GRID2: variants seen among roughly 807,000 people sequenced by gnomAD.
The protein encoded by GRID2 is glutamate ionotropic receptor delta type subunit 2.
In GRID2, 33 loss-of-function variants were observed where a neutral mutation model predicts 114.8. The ratio of observed to expected loss-of-function variants is 0.29; its 90% CI spans 0.22 to 0.38. The LOEUF is 0.38. Among genes scored for constraint, GRID2 ranks in the 10% least tolerant of loss-of-function variants. The probability of loss-of-function intolerance (pLI) is 1.00; values close to 1 mark genes in which losing one functional copy is unlikely to be tolerated. For missense variants in GRID2, 1,184 were observed against 1,257.7 expected, an observed-to-expected ratio of 0.94 and a Z score of 0.89; for synonymous variants, 505 against 449.9, an observed-to-expected ratio of 1.12 and a Z score of -1.55.
rs184097837 is a variant in GRID2 at position 92,973,977 on chromosome 4, A to C, written c.245-111018A>C. 1.8e-4 allele frequency among the ~76,000 whole-genome samples: 27 copies of C among 152,282 alleles called. No individual in the cohort carries two copies. In the East Asian group the frequency reaches 5.0e-3, roughly 28 times the overall value. On this transcript the variant is annotated intron_variant, in intron 2 of 15. Coordinates refer to ENST00000282020, the MANE Select transcript of GRID2 (RefSeq NM_001510.4). ...GCAAAATCCAAAATCTACAAAACTTAAACAAATTTACCAGAAAGATACAAA... is the reference window on the plus strand; with the variant it reads ...GCAAAATCCAAAATCTACAAAACTTCAACAAATTTACCAGAAAGATACAAA...
chr4:92,769,435 G>A (rs1738431842), intron 2 of GRID2, among the ~76,000 whole-genome samples: 1 of 152,180 alleles, frequency 6.6e-6, no homozygotes. Context: ...GGGGTCTGGA[G>A]TATGGTAGCC....
intron 8 of GRID2, among the ~76,000 whole-genome samples, chr4:93,308,011 A>G (rs1442866798): frequency 1.3e-5 from 2 of 152,156 alleles, no homozygotes; most frequent in Admixed American, 6.6e-5. Flanking sequence ...AGTAGATATC[A>G]ATTCAACATA....
chr4:92,530,449 A>T (rs572482745), intron 1 of GRID2, among the ~76,000 whole-genome samples: 4 of 150,440 alleles, frequency 2.7e-5, no homozygotes, highest in Non-Finnish European at 5.9e-5. Context: ...ACTTATGGAA[A>T]ATAGTGAGAA....
intron 2 of GRID2, among the ~76,000 whole-genome samples, chr4:92,682,877 A>G (rs1733715790): frequency 6.6e-6 from 1 of 152,176 alleles, no homozygotes; most frequent in Non-Finnish European, 1.5e-5. Flanking sequence ...AAGTTAATAA[A>G]TGATCTCATT....
chr4:92,768,812 G>A lies in GRID2; in HGVS notation c.244+178526G>A, dbSNP rs764673767. ...CACAAGAAGAGTACAGGAAAGACCC[G>A]CCCCATAATTCAATCACCTCCCACT... On this transcript the variant is annotated intron_variant, in intron 2 of 15. Coordinates refer to ENST00000282020, the MANE Select transcript of GRID2 (RefSeq NM_001510.4). Among the ~76,000 whole-genome samples the A allele has an allele frequency of 3.9e-4, 59 of 151,998 alleles. 1 individual carries two copies. Among genetic ancestry groups the A allele is most frequent in the African/African-American group, 1.3e-3 (54 of 41,378 alleles).
chr4:93,489,844 A>G (rs956066149), intron 11 of GRID2, among the ~76,000 whole-genome samples: 1 of 151,972 alleles, frequency 6.6e-6, no homozygotes, highest in Non-Finnish European at 1.5e-5. Flanking sequence ...TCTGTTTTAG[A>G]TGTCATAAGT....
chr4:92,363,819 C>CT (rs11342142), intron 1 of GRID2, among the ~76,000 whole-genome samples: 11,640 of 124,056 alleles, frequency 0.094, 1,238 homozygotes, highest in African/African-American at 0.26. Flanking sequence ...ATTAAGTTTA[C>CT]TTTTTTTTTT....
chr4:93,618,579 C>G (rs1309262570), intron 13 of GRID2, among the ~76,000 whole-genome samples: 2 of 152,222 alleles, frequency 1.3e-5, no homozygotes, highest in African/African-American at 4.8e-5. Flanking sequence ...AGGGAGGTCT[C>G]TGTCCATCCA....
intron 2 of GRID2, among the ~76,000 whole-genome samples, chr4:92,774,850 C>G (rs560350911): frequency 6.6e-6 from 1 of 152,074 alleles, no homozygotes; most frequent in Admixed American, 6.6e-5. Context: ...CTCACCATGG[C>G]CTCCCACCAC....
intron 1 of GRID2, among the ~76,000 whole-genome samples, chr4:92,355,092 A>G (rs1579229073): frequency 6.6e-6 from 1 of 151,868 alleles, no homozygotes; most frequent in Admixed American, 6.6e-5. Context: ...GCCTTTTCTA[A>G]TCATCAATAT....
intron 6 of GRID2, among the ~76,000 whole-genome samples, chr4:93,220,588 T>C (rs1366901644): frequency 1.3e-5 from 2 of 152,196 alleles, no homozygotes; most frequent in Non-Finnish European, 2.9e-5. Context: ...AAAATTGATA[T>C]CTAAATAAAT....
chr4:93,661,873 G>A (rs1267900266), intron 14 of GRID2, among the ~76,000 whole-genome samples: 1 of 152,150 alleles, frequency 6.6e-6, no homozygotes, highest in African/African-American at 2.4e-5. Context: ...GTGAGATCAT[G>A]GCTCGGTTCT....
At chr4:93,353,984 T>C (rs1166360388) in intron 8 of GRID2, among the ~76,000 whole-genome samples, 2 of 151,642 alleles carry the variant, frequency 1.3e-5, no homozygotes, top group African/African-American at 4.9e-5. Flanking sequence ...CGATGGTTTA[T>C]TCATGTTATT....
chr4:92,406,544 T>A lies in GRID2; in HGVS notation c.88+101800T>A, dbSNP rs60706286. ...GAGTTTTGGGTATTTTTCCTTTTTT[T>A]AAAAAAATGTCAACTTTTATTATAG... On this transcript the variant is annotated intron_variant, in intron 1 of 15. Coordinates refer to ENST00000282020, the MANE Select transcript of GRID2 (RefSeq NM_001510.4). Among the ~76,000 whole-genome samples the A allele has an allele frequency of 5.9e-3, 893 of 152,080 alleles. 9 individuals are homozygous for A. Among genetic ancestry groups the A allele is most frequent in the African/African-American group, 0.019 (788 of 41,456 alleles).
At chr4:93,498,899 A>T (rs982764536) in intron 12 of GRID2, among the ~76,000 whole-genome samples, 1 of 151,888 alleles carries the variant, frequency 6.6e-6, no homozygotes, top group African/African-American at 2.4e-5. Flanking sequence ...GTATGACATT[A>T]TCTGTAAAGT....
chr4:93,065,401 T>C (rs1728210465), intron 2 of GRID2, among the ~76,000 whole-genome samples: 1 of 151,964 alleles, frequency 6.6e-6, no homozygotes, highest in South Asian at 2.1e-4. Flanking sequence ...AATTTCAAGC[T>C]GATAGCTTTA....
chr4:92,553,426 C>A (rs1015480375), intron 1 of GRID2, among the ~76,000 whole-genome samples: 5 of 152,018 alleles, frequency 3.3e-5, no homozygotes, highest in Non-Finnish European at 7.4e-5. Context: ...TAAGTCTCTA[C>A]CTTGTTTCTT....
At chr4:92,333,687 C>T (rs901197299) in intron 1 of GRID2, among the ~76,000 whole-genome samples, 2 of 152,098 alleles carry the variant, frequency 1.3e-5, no homozygotes, top group Non-Finnish European at 2.9e-5. Flanking sequence ...ACAACTTCTT[C>T]CGTATTTTGT....
chr4:93,801,558 T>C (rs1734929589), intron 1 of GRID2, among the ~76,000 whole-genome samples: 1 of 152,188 alleles, frequency 6.6e-6, no homozygotes, highest in Non-Finnish European at 1.5e-5. Flanking sequence ...GGGTATAAAA[T>C]AATTAACTCC....
Sources: gnomAD v4.1 joint callset for allele counts (sites outside exome capture counted in the v4.1 genomes callset) on GRCh38, gnomAD v4.1.1 for gene constraint, MANE v1.5 for transcripts, NCBI Gene and HGNC (gene_info 2026-07-23, HGNC 2026-07-21) for gene names.